The following CADM2 variants were observed in gnomAD, a reference collection of about 807,000 sequenced individuals.
The protein encoded by CADM2 is cell adhesion molecule 2.
In CADM2, 12 loss-of-function variants were observed where a neutral mutation model predicts 49.8. The ratio of observed to expected loss-of-function variants is 0.24; its 90% CI spans 0.15 to 0.39. CADM2 has a LOEUF of 0.39. CADM2 is among the 10% of genes least tolerant of loss of function. The pLI is 1.00. For missense variants in CADM2, 378 were observed against 492.3 expected (o/e 0.77, Z 2.20); for synonymous variants, 214 against 175.4 (o/e 1.22, Z -1.74).
chr3:85,819,266 G>A (rs1338481124), intron 3 of CADM2, among the ~76,000 whole-genome samples: 5 of 152,082 alleles, frequency 3.3e-5, no homozygotes, highest in Non-Finnish European at 7.4e-5. Context: ...ATTGGATGGT[G>A]CCCACCCACA....
At chr3:86,063,398 C>T (rs1738925873) in intron 8 of CADM2, among the ~76,000 whole-genome samples, 1 of 152,178 alleles carries the variant, frequency 6.6e-6, no homozygotes, top group African/African-American at 2.4e-5. Context: ...ACATGCCAGG[C>T]TGGCATTACA....
chr3:85,386,513 A>G (rs938555101), intron 1 of CADM2, among the ~76,000 whole-genome samples: 2 of 152,320 alleles, frequency 1.3e-5, no homozygotes, highest in South Asian at 4.1e-4. Context: ...TTCTTGGTTC[A>G]TCCTTGTCCA....
chr3:86,002,383 T>C (rs1394866408), intron 8 of CADM2, among the ~76,000 whole-genome samples: 1 of 152,166 alleles, frequency 6.6e-6, no homozygotes, highest in Non-Finnish European at 1.5e-5. Flanking sequence ...CCATATATGT[T>C]AATATAGTAT....
chr3:85,726,321 A>G (rs1437122246), intron 1 of CADM2, among the ~76,000 whole-genome samples: 1 of 152,012 alleles, frequency 6.6e-6, no homozygotes, highest in East Asian at 1.9e-4. Context: ...GTCTGCTCTT[A>G]CTTTGTCTTA....
intron 3 of CADM2, among the ~76,000 whole-genome samples, chr3:85,824,894 A>G (rs1460893895): frequency 1.3e-5 from 2 of 152,066 alleles, no homozygotes; most frequent in African/African-American, 4.8e-5. Flanking sequence ...GGTTTATTGT[A>G]TAATCAGGGA....
At chr3:85,355,603 T>C (rs2031790084) in intron 1 of CADM2, among the ~76,000 whole-genome samples, 2 of 152,014 alleles carry the variant, frequency 1.3e-5, no homozygotes, top group Admixed American at 1.3e-4. Flanking sequence ...ATGCAGAGGG[T>C]AGAGCAGGGA....
intron 1 of CADM2, among the ~76,000 whole-genome samples, chr3:85,550,974 GTTTGTTTATTTA>G (rs1397118104): frequency 6.6e-6 from 1 of 151,276 alleles, no homozygotes; most frequent in Non-Finnish European, 1.5e-5. Context: ...TTATTTGTTT[GTTTGTTTATTTA>G]TTTATTTATT....
chr3:86,069,010 C>T lies in CADM2; in HGVS notation c.*2227C>T, dbSNP rs1739612048. 1 of 151,890 alleles carries T rather than the reference C, an allele frequency of 6.6e-6. No individual in the cohort carries two copies. Among genetic ancestry groups the T allele is most frequent in the Non-Finnish European group, 1.5e-5 (1 of 67,832 alleles). The allele number at this position is 151,890 out of a possible 1,614,324, so 9.4% of individuals were successfully genotyped here. A position where few individuals can be genotyped will look rare whatever the true frequency, so the allele number is the denominator to read the frequency against. ...AAGACTCCACAAAGCAAAATTCATC[C>T]TGTTAGTACAAAATGGAAAGGTTCT... is the stretch of plus-strand genomic sequence containing the variant. On this transcript the variant is annotated 3_prime_UTR_variant, in exon 10 of 10. Transcript: ENST00000383699.
rs770282499 is a variant in CADM2, at chr3:85,640,409, G to A, written c.62-86113G>A. ...AAAAAATGTGGTTTTTGAACATGAT[G>A]GGATAACATATTATGGGAGAGTAAT... is the stretch of plus-strand genomic sequence containing the variant. On this transcript the variant is annotated intron_variant, in intron 1 of 9. Transcript: ENST00000383699. Among the ~76,000 whole-genome samples, 72 of 152,142 alleles carry A rather than the reference G, an allele frequency of 4.7e-4. 2 individuals are homozygous for A. The highest frequency in any genetic ancestry group is 1.8e-4 in the Non-Finnish European group (12 of 68,026).
chr3:85,179,899 G>T (rs2040882655), intron 1 of CADM2, among the ~76,000 whole-genome samples: 1 of 152,040 alleles, frequency 6.6e-6, no homozygotes, highest in African/African-American at 2.4e-5. Flanking sequence ...TATTTGAGAG[G>T]ATTACTTTAG....
At chr3:85,001,876 C>T (rs1443334052) in intron 1 of CADM2, among the ~76,000 whole-genome samples, 2 of 152,058 alleles carry the variant, frequency 1.3e-5, no homozygotes, top group Non-Finnish European at 2.9e-5. Context: ...AGCGAAGACA[C>T]TCAGATTTCG....
At chr3:85,236,257 GTA>G (rs2042405378) in intron 1 of CADM2, among the ~76,000 whole-genome samples, 1 of 151,806 alleles carries the variant, frequency 6.6e-6, no homozygotes, top group Admixed American at 6.6e-5. Context: ...ATATGAACAT[GTA>G]TATATGTAGA....
intron 8 of CADM2, among the ~76,000 whole-genome samples, chr3:86,053,643 C>A (rs1559827403): frequency 2.0e-5 from 3 of 152,026 alleles, no homozygotes. Flanking sequence ...TTGATAGCAA[C>A]TTTCCCGTAT....
intron 1 of CADM2, among the ~76,000 whole-genome samples, chr3:85,291,661 A>G (rs9868831): frequency 0.42 from 61,622 of 146,024 alleles, 14,792 homozygotes; most frequent in Admixed American, 0.56. Flanking sequence ...AGAATTTTCA[A>G]CCCAGAATTT....
At chr3:85,985,916 C>T (rs1728048025) in intron 8 of CADM2, among the ~76,000 whole-genome samples, 1 of 152,020 alleles carries the variant, frequency 6.6e-6, no homozygotes, top group Non-Finnish European at 1.5e-5. Flanking sequence ...TTTAAATGAA[C>T]TACAGTTGCC....
intron 8 of CADM2, 45 bp from the exon 9 acceptor site, chr3:86,065,560 C>G: frequency 6.4e-7 from 1 of 1,570,944 alleles, no homozygotes; most frequent in Non-Finnish European, 8.6e-7. Context: ...TATTCTGTGA[C>G]TAAATAACAC....
At chr3:85,942,923 A>G (rs1305095507) in intron 7 of CADM2, among the ~76,000 whole-genome samples, 5 of 152,080 alleles carry the variant, frequency 3.3e-5, no homozygotes. Flanking sequence ...GACTTCCACA[A>G]TGGTTGAACT....
Position 84,968,270 on chromosome 3 carries a change from C to T in CADM2, c.61+8602C>T, listed in dbSNP as rs150901799. ...GAGAGGATCTAATTAGCATTTTAGTCTCCCTTTACTCATGTGCAGCTTTCT... is the reference window on the plus strand; with the variant it reads ...GAGAGGATCTAATTAGCATTTTAGTTTCCCTTTACTCATGTGCAGCTTTCT... On this transcript the variant is annotated intron_variant, in intron 1 of 9. Coordinates refer to ENST00000383699, the MANE Select transcript of CADM2 (RefSeq NM_001167675.2). Among the ~76,000 whole-genome samples, 578 of 151,984 alleles carry T rather than the reference C, an allele frequency of 3.8e-3. 8 individuals carry two copies. Among genetic ancestry groups the T allele is most frequent in the African/African-American group, 0.013 (528 of 41,496 alleles).
chr3:85,235,658 T>C (rs2107823517), intron 1 of CADM2, among the ~76,000 whole-genome samples: 1 of 152,278 alleles, frequency 6.6e-6, no homozygotes, highest in Admixed American at 6.5e-5. Flanking sequence ...AAAACTTTAA[T>C]TGAAATTTCA....
Sources: allele counts gnomAD v4.1 joint callset (sites outside exome capture counted in the v4.1 genomes callset), GRCh38; gene constraint gnomAD v4.1.1; transcripts MANE v1.5; gene names NCBI Gene and HGNC (gene_info 2026-07-23, HGNC 2026-07-21).